The following FBXL17 variants were observed in gnomAD, a reference collection of about 807,000 sequenced individuals.
FBXL17 encodes the protein F-box and leucine rich repeat protein 17, also known as F-box/LRR-repeat protein 17.
In FBXL17, 22 loss-of-function variants were observed where a neutral mutation model predicts 66.2. That is an observed-to-expected ratio of 0.33 (90% CI 0.24 to 0.47). The LOEUF is 0.47. Among genes scored for constraint, FBXL17 ranks in the 20% least tolerant of loss-of-function variants. The probability of loss-of-function intolerance (pLI) is 1.00; values close to 1 mark genes in which losing one functional copy is unlikely to be tolerated. For missense variants in FBXL17, 878 were observed against 948.2 expected (o/e 0.93, Z 0.97); for synonymous variants, 474 against 400.5 (o/e 1.18, Z -2.19).
intron 6 of FBXL17, among the ~76,000 whole-genome samples, chr5:108,109,400 AC>A (rs1249274921): frequency 3.3e-5 from 5 of 152,108 alleles, no homozygotes; most frequent in Admixed American, 2.0e-4. Flanking sequence ...AAGAATCTCA[AC>A]AGACAAGACT....
intron 7 of FBXL17, among the ~76,000 whole-genome samples, chr5:108,010,585 A>T (rs1329892763): frequency 6.6e-6 from 1 of 152,230 alleles, no homozygotes; most frequent in African/African-American, 2.4e-5. Context: ...GATGTAGCAC[A>T]GACTTAGAAA....
intron 7 of FBXL17, among the ~76,000 whole-genome samples, chr5:107,984,536 T>A (rs552818198): frequency 3.3e-5 from 5 of 152,284 alleles, no homozygotes; most frequent in African/African-American, 1.2e-4. Context: ...ACCTACTTGC[T>A]ATAGCATACA....
At position 108,364,777 on chromosome 5, in the gene FBXL17, T is replaced by C. The variant is rs1258819474; in HGVS notation, c.1335A>G (p.Val445=). 2 of 1,612,744 alleles carry C rather than the reference T, an allele frequency of 1.2e-6. No homozygotes were observed. Among genetic ancestry groups the C allele is most frequent in the East Asian group, 2.2e-5 (1 of 44,852 alleles). The part of the protein sequence containing the change: ...SHCPLLQKVH[V]GNQDKLTDEG... ...CATCAGTGAGTTTGTCCTGGTTGCC[T>C]ACATGCACTTTCTGAAGTAAAGGAC... Residue 445 remains valine (V), a synonymous_variant, in exon 3 of 9, where the codon GTA becomes GTG. Coordinates refer to ENST00000542267, the MANE Select transcript of FBXL17 (RefSeq NM_001163315.3).
At chr5:107,974,567 T>C (rs2112656991) in intron 7 of FBXL17, among the ~76,000 whole-genome samples, 1 of 152,290 alleles carries the variant, frequency 6.6e-6, no homozygotes, top group Non-Finnish European at 1.5e-5. Context: ...ATAACACACC[T>C]AGAGACAATT....
chr5:108,123,936 C>T (rs529550334), intron 6 of FBXL17, among the ~76,000 whole-genome samples: 5 of 152,212 alleles, frequency 3.3e-5, no homozygotes, highest in African/African-American at 1.2e-4. Context: ...CTCTTGATCC[C>T]AACTAAAGAT....
chr5:108,192,891 T>C (rs1460129718), intron 5 of FBXL17, among the ~76,000 whole-genome samples: 2 of 152,092 alleles, frequency 1.3e-5, no homozygotes, highest in African/African-American at 4.8e-5. Context: ...AAACCCTCAA[T>C]TGTAAAGACT....
chr5:108,077,440 G>T (rs1332923737), intron 6 of FBXL17, among the ~76,000 whole-genome samples: 1 of 152,128 alleles, frequency 6.6e-6, no homozygotes, highest in Non-Finnish European at 1.5e-5. Context: ...AAGGCAAGAG[G>T]ATCACTTGAG....
At position 108,000,836 on chromosome 5, in the gene FBXL17, A is replaced by G. The variant is rs138847437; in HGVS notation, c.1822+20089T>C. On this transcript the variant is annotated intron_variant, in intron 7 of 8. Transcript: ENST00000542267. ...GAATGAAAACAACATCCATTTAAAA[A>G]GATCTTGCAAAAATGATTTTGTTGA... Among the ~76,000 whole-genome samples the G allele has an allele frequency of 4.5e-4, 68 of 152,362 alleles. No homozygotes were observed. In the East Asian group the frequency reaches 8.5e-3, roughly 19 times the overall value.
chr5:108,226,137 C>T (rs1755089804), intron 4 of FBXL17, among the ~76,000 whole-genome samples: 1 of 152,104 alleles, frequency 6.6e-6, no homozygotes, highest in Admixed American at 6.6e-5. Context: ...CACTTACTCA[C>T]ATATTAGTTT....
chr5:108,051,186 A>T (rs1478803953), intron 6 of FBXL17, among the ~76,000 whole-genome samples: 2 of 152,212 alleles, frequency 1.3e-5, no homozygotes, highest in Non-Finnish European at 2.9e-5. Flanking sequence ...ATCCCTTCTG[A>T]AACTATTCCA....
At chr5:108,357,168 TA>T (rs1402316631) in intron 3 of FBXL17, among the ~76,000 whole-genome samples, 41 of 152,078 alleles carry the variant, frequency 2.7e-4, no homozygotes, top group African/African-American at 9.6e-4. Flanking sequence ...TTACAATTAT[TA>T]ACTAAAAACT....
chr5:108,245,803 A>G (rs1756068881), intron 4 of FBXL17, among the ~76,000 whole-genome samples: 1 of 152,206 alleles, frequency 6.6e-6, no homozygotes, highest in Non-Finnish European at 1.5e-5. Flanking sequence ...GAAAGGGCAG[A>G]GCTCACATTG....
intron 7 of FBXL17, among the ~76,000 whole-genome samples, chr5:107,928,805 T>C (rs1459339166): frequency 1.3e-5 from 2 of 152,170 alleles, no homozygotes; most frequent in Non-Finnish European, 2.9e-5. Context: ...AATTACACAA[T>C]TATCAGTGTC....
intron 4 of FBXL17, among the ~76,000 whole-genome samples, chr5:108,315,758 A>G (rs937965727): frequency 2.6e-5 from 4 of 151,578 alleles, no homozygotes; most frequent in Non-Finnish European, 1.5e-5. Context: ...AATCAAAATC[A>G]TTTAATAATT....
At chr5:108,277,427 T>C (rs1012051470) in intron 4 of FBXL17, among the ~76,000 whole-genome samples, 1 of 151,972 alleles carries the variant, frequency 6.6e-6, no homozygotes, top group African/African-American at 2.4e-5. Flanking sequence ...AAGAAACTAC[T>C]GAAAAAATTA....
At chr5:108,372,999 T>C (rs1749141782) in intron 1 of FBXL17, among the ~76,000 whole-genome samples, 2 of 151,940 alleles carry the variant, frequency 1.3e-5, no homozygotes, top group African/African-American at 2.4e-5. Context: ...CTGTAACTTG[T>C]GACAATAACA....
intron 6 of FBXL17, among the ~76,000 whole-genome samples, chr5:108,055,608 C>CAAAAAA (rs55653715): frequency 1.4e-4 from 7 of 51,108 alleles, no homozygotes; most frequent in Admixed American, 5.2e-4. Context: ...GACTCTGTCT[C>CAAAAAA]AAAAAAAAAA....
chr5:108,223,163 T>C (rs149329756), intron 5 of FBXL17, among the ~76,000 whole-genome samples: 2 of 152,260 alleles, frequency 1.3e-5, no homozygotes, highest in African/African-American at 4.8e-5. Context: ...CACTGTATGA[T>C]CCTACCATAG....
At chr5:108,042,941 A>C (rs1359112641) in intron 6 of FBXL17, among the ~76,000 whole-genome samples, 1 of 152,160 alleles carries the variant, frequency 6.6e-6, no homozygotes, top group Non-Finnish European at 1.5e-5. Flanking sequence ...TGTAGTAAAA[A>C]TCTCAATTGT....
Sources: allele counts gnomAD v4.1 joint callset (sites outside exome capture counted in the v4.1 genomes callset), GRCh38; gene constraint gnomAD v4.1.1; transcripts MANE v1.5; gene names NCBI Gene and HGNC (gene_info 2026-07-23, HGNC 2026-07-21).